Variants in CHN2 observed in about 807,000 individuals in gnomAD.
CHN2 encodes the protein chimerin 2, also known as beta-chimaerin.
In CHN2, 35 loss-of-function variants were observed where a neutral mutation model predicts 56.3. The ratio of observed to expected loss-of-function variants is 0.62; its 90% confidence interval spans 0.47 to 0.82. The LOEUF (loss-of-function observed/expected upper bound fraction) is 0.82. Ranked by LOEUF, CHN2 falls within the 40% of genes least tolerant of loss-of-function variation. The probability of loss-of-function intolerance (pLI) is 0.00; values close to 1 mark genes in which losing one functional copy is unlikely to be tolerated. For missense variants in CHN2, 491 were observed against 580.5 expected (o/e 0.85, Z 1.58); for synonymous variants, 210 against 212.8 (o/e 0.99, Z 0.12).
chr7:29,302,309 CTCCT>C (rs1400429895), intron 1 of CHN2, among the ~76,000 whole-genome samples: 3 of 148,278 alleles, frequency 2.0e-5, no homozygotes, highest in African/African-American at 7.6e-5. Flanking sequence ...CTTCCTTCTT[CTCCT>C]TCCTTCCTTC....
chr7:29,210,324 C>T (rs532234030), intron 1 of CHN2, among the ~76,000 whole-genome samples: 20 of 152,226 alleles, frequency 1.3e-4, no homozygotes, highest in African/African-American at 4.8e-4. Context: ...TTAGTAAGCC[C>T]AGAGGTAGTC....
intron 3 of CHN2, among the ~76,000 whole-genome samples, chr7:29,388,816 C>T (rs577470861): frequency 5.3e-5 from 8 of 152,262 alleles, no homozygotes; most frequent in African/African-American, 1.7e-4. Context: ...ACATAACATT[C>T]GCATGGCCTC....
chr7:29,428,561 A>AT (rs1340670255), intron 6 of CHN2, among the ~76,000 whole-genome samples: 4 of 151,916 alleles, frequency 2.6e-5, no homozygotes, highest in Non-Finnish European at 5.9e-5. Flanking sequence ...AAAAGCCTGG[A>AT]TTTTTTTTCA....
At chr7:29,217,139 C>T (rs1282023429) in intron 1 of CHN2, among the ~76,000 whole-genome samples, 1 of 152,150 alleles carries the variant, frequency 6.6e-6, no homozygotes, top group East Asian at 1.9e-4. Flanking sequence ...GGGATTTGAC[C>T]AGCTATACTG....
In CHN2 at chr7:29,405,164, T is replaced by TACACACACACACACACAC. The variant is rs57823678; in HGVS notation, c.576+4377_576+4394dup. ...TCTGTATGGAGTGCTTATGTCACCA[T>TACACACACACACACACAC]ACACACACACACACACACACACACA... On this transcript the variant is annotated intron_variant, in intron 6 of 12. Transcript: ENST00000222792. 4.1e-3 allele frequency among the ~76,000 whole-genome samples: 435 copies of TACACACACACACACACAC among 105,212 alleles called. 48 individuals carry two copies. Among genetic ancestry groups the TACACACACACACACACAC allele is most frequent in the Middle Eastern group, 0.011 (2 of 186 alleles). 69.0% of individuals were successfully genotyped at this position (105,212 alleles called of 152,430 possible). A position where few individuals can be genotyped will look rare whatever the true frequency, so the allele number is the denominator to read the frequency against.
intron 6 of CHN2, among the ~76,000 whole-genome samples, chr7:29,458,377 G>GCACACATACACACACACA (rs1554296992): frequency 3.7e-5 from 5 of 135,916 alleles, no homozygotes; most frequent in African/African-American, 1.1e-4. Context: ...GCATAGCTGT[G>GCACACATACACACACACA]CACACACACA....
intron 1 of CHN2, among the ~76,000 whole-genome samples, chr7:29,303,465 A>G (rs960394096): frequency 1.3e-5 from 2 of 152,160 alleles, no homozygotes; most frequent in African/African-American, 4.8e-5. Context: ...CAGCACAGGC[A>G]AGTGCCATGC....
intron 4 of CHN2, among the ~76,000 whole-genome samples, chr7:29,396,459 C>CAAAAAAAAA (rs35163855): frequency 4.2e-4 from 24 of 56,524 alleles, no homozygotes; most frequent in African/African-American, 1.8e-3. Flanking sequence ...AGACTCTCTC[C>CAAAAAAAAA]AAAAAAAAAA....
intron 1 of CHN2, among the ~76,000 whole-genome samples, chr7:29,326,963 C>G (rs1372192411): frequency 6.6e-6 from 1 of 152,172 alleles, no homozygotes; most frequent in East Asian, 1.9e-4. Context: ...TCCCATTTTA[C>G]AAGTATAGCA....
chr7:29,375,286 C>T (rs1799984302), intron 3 of CHN2, among the ~76,000 whole-genome samples: 1 of 148,292 alleles, frequency 6.7e-6, no homozygotes, highest in Admixed American at 6.8e-5. Context: ...GCAACCTCCA[C>T]CTCCTGGGTT....
At chr7:29,491,706 A>C (rs1454936098) in intron 7 of CHN2, among the ~76,000 whole-genome samples, 9 of 152,148 alleles carry the variant, frequency 5.9e-5, no homozygotes, top group Admixed American at 5.9e-4. Flanking sequence ...ACACCCAGCC[A>C]TATATTCTTT....
intron 1 of CHN2, among the ~76,000 whole-genome samples, chr7:29,207,118 C>A: frequency 6.6e-6 from 1 of 152,148 alleles, no homozygotes. Flanking sequence ...CGATTTATAG[C>A]TCAATAAAGC....
intron 1 of CHN2, among the ~76,000 whole-genome samples, chr7:29,353,250 A>G (rs1798020551): frequency 6.6e-6 from 1 of 152,246 alleles, no homozygotes; most frequent in African/African-American, 2.4e-5. Context: ...ACAAGTGAGT[A>G]TGATTTGGGG....
At chr7:29,163,575 C>T (rs1400545101) in intron 2 of CHN2, among the ~76,000 whole-genome samples, 1 of 151,976 alleles carries the variant, frequency 6.6e-6, no homozygotes, top group East Asian at 1.9e-4. Flanking sequence ...TAAGGTATAA[C>T]TGGCATACAA....
intron 5 of CHN2, among the ~76,000 whole-genome samples, chr7:29,399,603 G>T (rs149616132): frequency 6.6e-6 from 1 of 152,258 alleles, no homozygotes; most frequent in African/African-American, 2.4e-5. Flanking sequence ...TCTTCCAAAA[G>T]TTCATTTGTG....
At chr7:29,492,156 CA>C (rs1231161669) in intron 7 of CHN2, among the ~76,000 whole-genome samples, 1 of 152,156 alleles carries the variant, frequency 6.6e-6, no homozygotes, top group Non-Finnish European at 1.5e-5. Context: ...GTTAGGTTGG[CA>C]GTATTTTTGT....
At chr7:29,200,471 C>T (rs1382795010) in intron 1 of CHN2, among the ~76,000 whole-genome samples, 7 of 136,680 alleles carry the variant, frequency 5.1e-5, no homozygotes, top group Admixed American at 3.7e-4. Context: ...CCCCCCTCCC[C>T]CCTTCCCCCC....
At chr7:29,273,357 A>ATATATATATATATATGTG (rs1584933111) in intron 1 of CHN2, among the ~76,000 whole-genome samples, 6 of 76,064 alleles carry the variant, frequency 7.9e-5, no homozygotes, top group East Asian at 1.1e-3. Context: ...ATATATATAT[A>ATATATATATATATATGTG]TATATATATA....
At chr7:29,276,402 C>T (rs1000944689) in intron 1 of CHN2, among the ~76,000 whole-genome samples, 1 of 152,138 alleles carries the variant, frequency 6.6e-6, no homozygotes, top group Non-Finnish European at 1.5e-5. Context: ...TGTCTCTGTC[C>T]AAGGCAGTTT....
Sources: gnomAD v4.1 joint callset for allele counts (sites outside exome capture counted in the v4.1 genomes callset) on GRCh38, gnomAD v4.1.1 for gene constraint, MANE v1.5 for transcripts, NCBI Gene and HGNC (gene_info 2026-07-23, HGNC 2026-07-21) for gene names.